The following KNDC1 variants were observed in gnomAD, a reference collection of about 807,000 sequenced individuals.
KNDC1 encodes the protein kinase non-catalytic C-lobe domain-containing protein 1.
Under a neutral mutation model 172.8 loss-of-function variants are expected in KNDC1, and 106 were observed. The ratio of observed to expected loss-of-function variants is 0.61; its 90% confidence interval spans 0.52 to 0.72. The LOEUF (loss-of-function observed/expected upper bound fraction) is 0.72. Ranked by LOEUF, KNDC1 falls within the 30% of genes least tolerant of loss-of-function variation. KNDC1 has a pLI of 0.00. For synonymous variants in KNDC1, 1,083 were observed against 1,062.2 expected, an observed-to-expected ratio of 1.02 and a Z score of -0.38; for missense variants, 2,325 against 2,394.5, an observed-to-expected ratio of 0.97 and a Z score of 0.61.
chr10:133,191,824 C>T (rs1051688076), intron 9 of KNDC1, among the ~76,000 whole-genome samples: 9 of 152,244 alleles, frequency 5.9e-5, no homozygotes, highest in South Asian at 2.1e-4. Flanking sequence ...GCACTGCGGC[C>T]CCGCCCAGCA....
chr10:133,172,573 C>G (rs1209455804), intron 3 of KNDC1, among the ~76,000 whole-genome samples: 1 of 152,180 alleles, frequency 6.6e-6, no homozygotes, highest in Non-Finnish European at 1.5e-5. Flanking sequence ...AAGCAGCACC[C>G]CCTCCCTTTC....
At position 133,172,949 on chromosome 10, in the gene KNDC1, G is replaced by A. The variant is rs557381216; in HGVS notation, c.360+4637G>A. On this transcript the variant is annotated intron_variant, in intron 3 of 29. Transcript: ENST00000304613. ...GCCCAGGAGTTCCAGGCTGCAGTGA[G>A]CCATGATTACCCCACTGCACTCCAG... Among the ~76,000 whole-genome samples, 18 of 152,324 alleles carry A rather than the reference G, an allele frequency of 1.2e-4. No homozygotes were observed. In the South Asian group the frequency reaches 3.3e-3, roughly 28 times the overall value.
At chr10:133,204,223 A>G (rs1200662837) in intron 17 of KNDC1, among the ~76,000 whole-genome samples, 4 of 152,234 alleles carry the variant, frequency 2.6e-5, no homozygotes, top group African/African-American at 9.6e-5. Flanking sequence ...TACCAACCTC[A>G]ACCTGCCCAG....
intron 26 of KNDC1, among the ~76,000 whole-genome samples, chr10:133,214,799 G>A (rs1204693083): frequency 2.0e-5 from 3 of 152,216 alleles, no homozygotes; most frequent in African/African-American, 7.2e-5. Flanking sequence ...TGGACTGGGG[G>A]CTCCTCCCCT....
chr10:133,177,905 AGTGT>A (rs753597664), intron 3 of KNDC1, among the ~76,000 whole-genome samples: 3 of 51,852 alleles, frequency 5.8e-5, no homozygotes, highest in Non-Finnish European at 5.4e-5. Context: ...ATGTGTGTGC[AGTGT>A]GTGTGTGCAA....
At chr10:133,200,634 C>A (rs1854337148) in intron 16 of KNDC1, among the ~76,000 whole-genome samples, 174 bp downstream of exon 16, 1 of 151,982 alleles carries the variant, frequency 6.6e-6, no homozygotes, top group South Asian at 2.1e-4. Context: ...GGGTGCCCAG[C>A]CAAAGGCCGC....
intron 20 of KNDC1, 57 bp downstream of exon 20, chr10:133,207,408 G>A: frequency 1.3e-6 from 2 of 1,522,868 alleles, no homozygotes; most frequent in Non-Finnish European, 1.8e-6. Context: ...GTGCTGAGAA[G>A]AGGGGGGGAA....
At chr10:133,216,282 G>C (rs534724237) in intron 26 of KNDC1, among the ~76,000 whole-genome samples, 1 of 152,120 alleles carries the variant, frequency 6.6e-6, no homozygotes, top group Non-Finnish European at 1.5e-5. Flanking sequence ...GGGGGTCGGT[G>C]GTTCCGTTCA....
rs534047326 is a variant in KNDC1 at position 133,177,187 on chromosome 10, T to C, written c.361-6157T>C. Among the ~76,000 whole-genome samples, 364 of 145,968 alleles carry C rather than the reference T, an allele frequency of 2.5e-3. 2 individuals are homozygous for C. The highest frequency in any genetic ancestry group is 8.0e-3 in the African/African-American group (327 of 40,680). On this transcript the variant is annotated intron_variant, in intron 3 of 29. Coordinates refer to ENST00000304613, the MANE Select transcript of KNDC1 (RefSeq NM_152643.8). The stretch of plus-strand genomic sequence containing the variant: ...CACATGTATACAGTATAGTGTGTCA[T>C]GTGCACGTGTATGTAGTATAGTGTG...
At chr10:133,184,781 AGTGTGGCATTGGTGCCG>A (rs528517448) in intron 5 of KNDC1, among the ~76,000 whole-genome samples, 35 of 152,324 alleles carry the variant, frequency 2.3e-4, no homozygotes, top group East Asian at 1.5e-3. Flanking sequence ...CATTGGTGCC[AGTGTGGCATTGGTGCCG>A]GTGTGGCATT....
chr10:133,167,513 T>G lies in KNDC1; in HGVS notation c.235T>G (p.Cys79Gly). Reference protein sequence around the residue: ...VAHAAIFQSLCITPDTLAFNT... With the variant: ...VAHAAIFQSLGITPDTLAFNT... ...CCACGCCGCCATCTTCCAGAGCCTG[T>G]GCATCACGCCCGACACCCTGGCCTT... Residue 79 changes from cysteine (C) to glycine (G), a missense_variant, in exon 2 of 30, where the codon TGC becomes GGC. Coordinates refer to ENST00000304613, the MANE Select transcript of KNDC1 (RefSeq NM_152643.8). The G allele has an allele frequency of 6.2e-7, 1 of 1,605,598 alleles. No individual in the cohort carries two copies. Among genetic ancestry groups the G allele is most frequent in the Non-Finnish European group, 8.5e-7 (1 of 1,176,656 alleles).
rs1289441927 is a variant in KNDC1 at position 133,196,951 on chromosome 10, A to G, written c.1735-107A>G. 21 of 832,206 alleles carry G rather than the reference A, an allele frequency of 2.5e-5. No homozygotes were observed. In the Admixed American group the frequency reaches 3.3e-4, roughly 13 times the overall value. The allele number at this position is 832,206 out of a possible 1,614,324, so 51.6% of individuals were successfully genotyped here. ...GGGTGTCGGTGAGAACAAACAGGAA[A>G]CCCTCCTGGCAGCCCTGAGCTTTTT... On this transcript the variant is annotated intron_variant, in intron 10 of 29. Transcript: ENST00000304613.
At chr10:133,218,015 G>A (rs1032659623) in intron 26 of KNDC1, among the ~76,000 whole-genome samples, 5 of 150,806 alleles carry the variant, frequency 3.3e-5, no homozygotes, top group South Asian at 2.1e-4. Context: ...AGCCGAGATC[G>A]CGCCACTGCA....
intron 7 of KNDC1, 132 bp from the exon 8 acceptor site, chr10:133,189,466 C>T: frequency 1.2e-6 from 1 of 800,834 alleles, no homozygotes; most frequent in Non-Finnish European, 2.0e-6. Context: ...CGTGCACTGG[C>T]AGGTGCGTGC....
intron 3 of KNDC1, among the ~76,000 whole-genome samples, chr10:133,178,510 G>A (rs1853623434): frequency 6.6e-6 from 1 of 152,140 alleles, no homozygotes; most frequent in South Asian, 2.1e-4. Context: ...CGTAACCACA[G>A]AGCCTCGGCC....
At position 133,212,778 on chromosome 10, in the gene KNDC1, C is replaced by T. The variant is rs1213283147; in HGVS notation, c.4299C>T (p.Pro1433=). 1 of 1,613,814 alleles carries T rather than the reference C, an allele frequency of 6.2e-7. No individual in the cohort carries two copies. The highest frequency in any genetic ancestry group is 1.3e-5 in the African/African-American group (1 of 74,938). ...TGCTGCCGCCACACAAGGAGCGCCC[C>T]TACACCATTGCTGCCGCCCTGCCCA... The part of the protein sequence containing the change: ...GLVLPPHKER[P]YTIAAALPKP... The change falls in exon 24 of 30, where the codon CCC becomes CCT. Residue 1433 remains proline, a synonymous_variant. Coordinates refer to ENST00000304613, the MANE Select transcript of KNDC1 (RefSeq NM_152643.8).
In KNDC1 at chr10:133,183,497, G is replaced by A. The variant is rs772130038; in HGVS notation, c.507+7G>A. 1.4e-5 allele frequency: 23 copies of A among 1,596,242 alleles called. No individual in the cohort carries two copies. Among genetic ancestry groups the A allele is most frequent in the Middle Eastern group, 2.2e-4 (1 of 4,478 alleles). On this transcript the variant is annotated splice_region_variant and intron_variant, in intron 4 of 29. Transcript: ENST00000304613. ...GGACCGGCCGGACCTTGAGGTAAGC[G>A]AGGCTGCCCTGGGCCACCCCAGGCT...
At chr10:133,168,523 C>G (rs747551065) in intron 3 of KNDC1, among the ~76,000 whole-genome samples, 116 of 151,988 alleles carry the variant, frequency 7.6e-4, no homozygotes, top group African/African-American at 2.7e-3. Context: ...GTGGGCAGCT[C>G]GGACTGTGGG....
intron 3 of KNDC1, 74 bp from the exon 4 acceptor site, chr10:133,183,270 C>T (rs1225926447): frequency 1.4e-5 from 20 of 1,455,710 alleles, no homozygotes; most frequent in Non-Finnish European, 1.7e-5. Context: ...GCTCCTGGCC[C>T]GGAGAAGTGC....
Sources: gnomAD v4.1 joint callset for allele counts (sites outside exome capture counted in the v4.1 genomes callset) on GRCh38, gnomAD v4.1.1 for gene constraint, MANE v1.5 for transcripts, NCBI Gene and HGNC (gene_info 2026-07-23, HGNC 2026-07-21) for gene names.